PI4K2B: variants seen among roughly 807,000 people sequenced by gnomAD.
The protein encoded by PI4K2B is phosphatidylinositol 4-kinase type 2 beta, also known as phosphatidylinositol 4-kinase type 2-beta.
Under a neutral mutation model 56.6 loss-of-function variants are expected in PI4K2B, and 46 were observed. The ratio of observed to expected loss-of-function variants is 0.81; its 90% CI spans 0.64 to 1.04. The LOEUF is 1.04. Among genes scored for constraint, PI4K2B ranks in the 50% least tolerant of loss-of-function variants. The pLI, the probability that PI4K2B is intolerant of heterozygous loss-of-function variation, is 0.00. For missense variants in PI4K2B, 556 were observed against 607.7 expected, an observed-to-expected ratio of 0.91 and a Z score of 0.89; for synonymous variants, 211 against 223.8, an observed-to-expected ratio of 0.94 and a Z score of 0.51.
intron 2 of PI4K2B, among the ~76,000 whole-genome samples, chr4:25,253,810 C>T (rs149166987): frequency 3.3e-5 from 5 of 152,290 alleles, no homozygotes; most frequent in African/African-American, 1.2e-4. Context: ...CTCACTCTGT[C>T]GCCCAGGCTG....
chr4:25,236,952 A>G (rs1715287345), intron 1 of PI4K2B, among the ~76,000 whole-genome samples: 3 of 152,202 alleles, frequency 2.0e-5, no homozygotes, highest in Admixed American at 6.5e-5. Flanking sequence ...CATTAACTTC[A>G]TTTGTCCTTT....
intron 5 of PI4K2B, 150 bp downstream of exon 5, chr4:25,259,340 C>T: frequency 1.7e-6 from 1 of 588,962 alleles, no homozygotes; most frequent in Non-Finnish European, 3.0e-6. Flanking sequence ...TATTGACTCT[C>T]CTGGGCAGAA....
chr4:25,235,468 A>G (rs1441759832), intron 1 of PI4K2B, among the ~76,000 whole-genome samples: 3 of 152,218 alleles, frequency 2.0e-5, no homozygotes, highest in African/African-American at 7.2e-5. Flanking sequence ...TCGGTCACTC[A>G]AGTTCTAGCT....
rs980797917 is a variant in PI4K2B at position 25,274,638 on chromosome 4, A to T, written c.1273-2376A>T. Among the ~76,000 whole-genome samples the T allele has an allele frequency of 2.6e-5, 4 of 152,270 alleles. No individual in the cohort carries two copies. The South Asian group carries it at 8.3e-4, about 32-fold the overall frequency. On this transcript the variant is annotated intron_variant, in intron 9 of 9. Transcript: ENST00000264864. ...GTCCCCTCTTCTCCCCAACACCGTG[A>T]GTGCTCAGTAAGTGTTTCCTTAGTA...
At chr4:25,239,378 C>A (rs570168498) in intron 1 of PI4K2B, among the ~76,000 whole-genome samples, 1 of 152,334 alleles carries the variant, frequency 6.6e-6, no homozygotes, top group Non-Finnish European at 1.5e-5. Flanking sequence ...AGGTCCTGAG[C>A]CCTGCCCTAC....
At chr4:25,270,815 A>C (rs1172023805) in intron 9 of PI4K2B, among the ~76,000 whole-genome samples, 1 of 152,204 alleles carries the variant, frequency 6.6e-6, no homozygotes, top group African/African-American at 2.4e-5. Context: ...TAAATAAATT[A>C]TACTGTAAAC....
intron 1 of PI4K2B, among the ~76,000 whole-genome samples, chr4:25,249,883 G>T (rs956107674): frequency 6.6e-6 from 1 of 152,190 alleles, no homozygotes; most frequent in Non-Finnish European, 1.5e-5. Flanking sequence ...GGGAGGTGGA[G>T]GTTGTAGTGA....
chr4:25,236,741 A>G (rs902488365), intron 1 of PI4K2B, among the ~76,000 whole-genome samples: 14 of 152,164 alleles, frequency 9.2e-5, no homozygotes, highest in Admixed American at 7.2e-4. Context: ...TTCTTTCTTC[A>G]TCTTCTGCCC....
At chr4:25,241,880 G>A (rs926906254) in intron 1 of PI4K2B, among the ~76,000 whole-genome samples, 11 of 152,216 alleles carry the variant, frequency 7.2e-5, no homozygotes, top group Non-Finnish European at 1.6e-4. Context: ...GCTTGTACTA[G>A]GGCCTGCTTT....
At chr4:25,267,536 C>G (rs1224935164) in intron 7 of PI4K2B, among the ~76,000 whole-genome samples, 2 of 152,216 alleles carry the variant, frequency 1.3e-5, no homozygotes, top group Admixed American at 6.5e-5. Flanking sequence ...GCCTGAGTGA[C>G]TGAGGAGGAA....
At chr4:25,239,775 A>G (rs1341746831) in intron 1 of PI4K2B, among the ~76,000 whole-genome samples, 1 of 152,220 alleles carries the variant, frequency 6.6e-6, no homozygotes, top group Non-Finnish European at 1.5e-5. Context: ...TGCAAGGGCT[A>G]CCAGCACACT....
intron 4 of PI4K2B, among the ~76,000 whole-genome samples, chr4:25,258,210 G>C (rs1167734786): frequency 1.3e-5 from 1 of 74,304 alleles, no homozygotes; most frequent in African/African-American, 3.7e-5. Context: ...TAAGGAATCT[G>C]TCCTTTTTTT....
intron 8 of PI4K2B, 25 bp from the exon 9 acceptor site, chr4:25,269,119 A>G (rs760064971): frequency 1.5e-6 from 2 of 1,377,678 alleles, no homozygotes; most frequent in Non-Finnish European, 2.0e-6. Context: ...TATTTTGGGA[A>G]TTGTTTTTTT....
intron 5 of PI4K2B, 90 bp downstream of exon 5, chr4:25,259,280 G>T (rs1003472448): frequency 2.2e-6 from 2 of 916,480 alleles, no homozygotes; most frequent in African/African-American, 1.7e-5. Flanking sequence ...AACTTTTGTT[G>T]CAGAAGTCTT....
In PI4K2B at chr4:25,255,199, C is replaced by T. The variant is rs540253334; in HGVS notation, c.558C>T (p.Tyr186=). Residue 186 remains tyrosine, a synonymous_variant, in exon 3 of 10, where the codon TAC becomes TAT. Transcript: ENST00000264864. Reference sequence around the variant, plus strand: ...GCTGCCTGATTCCTAATCAGGGGTACCTTTCCGAAGCGGGTGCCTATCTTG... The same window carrying T: ...GCTGCCTGATTCCTAATCAGGGGTATCTTTCCGAAGCGGGTGCCTATCTTG... The part of the protein sequence containing the change: ...GRGCLIPNQG[Y]LSEAGAYLVD... The T allele has an allele frequency of 2.5e-6, 4 of 1,613,976 alleles. No homozygotes were observed. Among genetic ancestry groups the T allele is most frequent in the African/African-American group, 1.3e-5 (1 of 74,888 alleles).
intron 9 of PI4K2B, among the ~76,000 whole-genome samples, chr4:25,270,202 T>A (rs965481330): frequency 1.4e-4 from 22 of 152,182 alleles, no homozygotes; most frequent in Non-Finnish European, 2.8e-4. Flanking sequence ...TTTTTCTTTT[T>A]TCGCGGAATG....
chr4:25,266,323 C>A (rs766773065), intron 7 of PI4K2B, among the ~76,000 whole-genome samples: 2 of 152,210 alleles, frequency 1.3e-5, no homozygotes, highest in Non-Finnish European at 2.9e-5. Context: ...CACGCCATCA[C>A]ACTCAGCTAA....
intron 9 of PI4K2B, among the ~76,000 whole-genome samples, chr4:25,274,672 C>A (rs1377026120): frequency 2.0e-5 from 3 of 152,102 alleles, no homozygotes; most frequent in Non-Finnish European, 4.4e-5. Context: ...TAAATAAATG[C>A]AGGATTATCA....
intron 6 of PI4K2B, among the ~76,000 whole-genome samples, chr4:25,261,887 A>C (rs1716491280): frequency 6.6e-6 from 1 of 152,224 alleles, no homozygotes; most frequent in Non-Finnish European, 1.5e-5. Context: ...TAGGAAGTTA[A>C]TTGTGTATAA....
Sources: gnomAD v4.1 joint callset for allele counts (sites outside exome capture counted in the v4.1 genomes callset) on GRCh38, gnomAD v4.1.1 for gene constraint, MANE v1.5 for transcripts, NCBI Gene and HGNC (gene_info 2026-07-23, HGNC 2026-07-21) for gene names.